The following MUC5AC variants were observed in gnomAD, a reference collection of about 807,000 sequenced individuals.
MUC5AC encodes mucin-5AC.
Under a neutral mutation model 169.7 loss-of-function variants are expected in MUC5AC, and 158 were observed. The ratio of observed to expected loss-of-function variants is 0.93; its 90% CI spans 0.82 to 1.06. The LOEUF (loss-of-function observed/expected upper bound fraction) is 1.06, where lower values mean the gene tolerates loss of function less well. MUC5AC is among the 50% of genes least tolerant of loss of function. The pLI is 0.00. For synonymous variants in MUC5AC, 1,975 were observed against 1,237.0 expected (o/e 1.60, Z -12.52); for missense variants, 4,359 against 3,089.9 (o/e 1.41, Z -9.74).
chr11:1,173,404 C>CTCACTAATTCCTTCACCTACTCAT (rs1860598642), intron 16 of MUC5AC, among the ~76,000 whole-genome samples: 1 of 150,970 alleles, frequency 6.6e-6, no homozygotes, highest in Non-Finnish European at 1.5e-5. Context: ...CATTTACTCA[C>CTCACTAATTCCTTCACCTACTCAT]TCACTAATTC....
At position 1,164,002 on chromosome 11, in the gene MUC5AC, G is replaced by T; in HGVS notation, c.789+11G>T. Reference sequence around the variant, plus strand: ...TGCTCCACTGGCTTTGTAAGCCTTGGAGGGAACAGAGGGCCCAGCAGGTTG... The same window carrying T: ...TGCTCCACTGGCTTTGTAAGCCTTGTAGGGAACAGAGGGCCCAGCAGGTTG... On this transcript the variant is annotated intron_variant, in intron 7 of 48. Coordinates refer to ENST00000621226, the MANE Select transcript of MUC5AC (RefSeq NM_001304359.2). 1 of 1,609,258 alleles carries T rather than the reference G, an allele frequency of 6.2e-7. No individual in the cohort carries two copies. The highest frequency in any genetic ancestry group is 8.5e-7 in the Non-Finnish European group (1 of 1,178,092).
chr11:1,170,746 C>T (rs1860488527), intron 15 of MUC5AC, among the ~76,000 whole-genome samples: 1 of 117,578 alleles, frequency 8.5e-6, no homozygotes, highest in African/African-American at 3.2e-5. Context: ...CCCATTCACC[C>T]ATTCACTCAC....
At position 1,194,666 on chromosome 11, in the gene MUC5AC, G is replaced by A; in HGVS notation, c.15186G>A (p.Gln5062=). The part of the protein sequence containing the change: ...FSKFANNTEG[Q]CGTCTNDRKD... ...AGTTTGCCAACAACACCGAGGGCCA[G>A]TGCGGTGAGGCCACAGGGCTCCCGG... The change falls in exon 35 of 49, where the codon CAG becomes CAA. Residue 5062 remains glutamine (Q), a synonymous_variant. Transcript: ENST00000621226. 1 of 756,778 alleles carries A rather than the reference G, an allele frequency of 1.3e-6. No homozygotes were observed. Among genetic ancestry groups the A allele is most frequent in the South Asian group, 1.4e-5 (1 of 73,806 alleles). The allele number at this position is 756,778 out of a possible 1,614,324, so 46.9% of individuals were successfully genotyped here.
At chr11:1,192,555 C>T (rs1297030230) in intron 31 of MUC5AC, 30 bp downstream of exon 31, 1 of 759,582 alleles carries the variant, frequency 1.3e-6, no homozygotes, top group Non-Finnish European at 2.4e-6. Context: ...GCAATTGTTT[C>T]TGAGCTCACC....
In MUC5AC at chr11:1,181,448, C is replaced by T. The variant is rs1860813217; in HGVS notation, c.3998C>T (p.Thr1333Ile). Residue 1333 changes from threonine to isoleucine, a missense_variant, in exon 30 of 49, where the codon ACA becomes ATA. Transcript: ENST00000621226. The part of the protein sequence containing the change: ...PVPPTTFSFS[T>I]PPLVVSSTHT... ...CCCCCAACCACCTTCTCCTTCTCCA[C>T]ACCCCCGCTTGGTAAGGCAAATGTG... 5.1e-6 allele frequency: 2 copies of T among 389,720 alleles called. No homozygotes were observed. Among genetic ancestry groups the T allele is most frequent in the African/African-American group, 4.4e-5 (2 of 45,526 alleles). 24.1% of individuals were successfully genotyped at this position (389,720 alleles called of 1,614,324 possible). A position where few individuals can be genotyped will look rare whatever the true frequency, so the allele number is the denominator to read the frequency against.
In MUC5AC at chr11:1,190,184, A is replaced by G; in HGVS notation, c.12039A>G (p.Glu4013=). ...RAESHPEVSI[E]HLGQVVQCSR... is the part of the protein sequence containing the mutation. ...AGAGCCACCCGGAGGTGAGCATCGA[A>G]CACCTGGGCCAGGTGGTGCAGTGCA... is the stretch of plus-strand genomic sequence containing the variant. Residue 4013 remains glutamate, a synonymous_variant, in exon 31 of 49, where the codon GAA becomes GAG. Coordinates refer to ENST00000621226, the MANE Select transcript of MUC5AC (RefSeq NM_001304359.2). The G allele has an allele frequency of 1.3e-6, 1 of 764,562 alleles. No individual in the cohort carries two copies. The allele number at this position is 764,562 out of a possible 1,614,324, so 47.4% of individuals were successfully genotyped here. A position where few individuals can be genotyped will look rare whatever the true frequency, so the allele number is the denominator to read the frequency against.
chr11:1,170,158 T>C (rs1269164835), intron 15 of MUC5AC, among the ~76,000 whole-genome samples: 3 of 20,620 alleles, frequency 1.5e-4, no homozygotes, highest in African/African-American at 3.3e-4. Context: ...CATTCACCCA[T>C]TCACTCACTC....
chr11:1,200,298 A>G (rs546526406), intron 48 of MUC5AC, 140 bp from the exon 49 acceptor site: 6 of 600,356 alleles, frequency 1.0e-5, no homozygotes. Flanking sequence ...CTGGCAAAGG[A>G]GAGCTGGTTG....
chr11:1,168,941 C>A lies in MUC5AC; in HGVS notation c.1785C>A (p.Ala595=), dbSNP rs561918259. 14 of 1,611,750 alleles carry A rather than the reference C, an allele frequency of 8.7e-6. No homozygotes were observed. The African/African-American group carries it at 1.7e-4, about 20-fold the overall frequency. The change falls in exon 15 of 49, where the codon GCC becomes GCA. Residue 595 remains alanine (A), a synonymous_variant. Coordinates refer to ENST00000621226, the MANE Select transcript of MUC5AC (RefSeq NM_001304359.2). ...GGGTGGTGGAGGCCACCGCTGCGGC[C>A]TTCTTCAACACCTTCAAGACCCAGG... ...LSGVVEATAA[A]FFNTFKTQAA...
intron 15 of MUC5AC, among the ~76,000 whole-genome samples, chr11:1,171,374 CCCATTCACTCACCCATTCACCCATTCAT>C (rs1860525328): frequency 7.0e-6 from 1 of 142,386 alleles, no homozygotes; most frequent in Non-Finnish European, 1.5e-5. Flanking sequence ...CACCCACTCA[CCCATTCACTCACCCATTCACCCATTCAT>C]CCACTCACTC....
intron 19 of MUC5AC, among the ~76,000 whole-genome samples, 193 bp downstream of exon 19, chr11:1,175,463 T>C (rs1213430675): frequency 6.7e-6 from 1 of 148,972 alleles, no homozygotes; most frequent in South Asian, 2.1e-4. Flanking sequence ...GGCGCACATA[T>C]GACACTCACA....
rs569948686 is a variant in MUC5AC at position 1,198,876 on chromosome 11, C to T, written c.16176C>T (p.Pro5392=). ...TCTGCTGCCCTGGCTCTCCCCAGCC[C>T]GGCGCCGTGGTCTCCTCGAGCCTGT... ...VCSINGTLYQ[P]GAVVSSSLCE... The change falls in exon 44 of 49, where the codon CCC becomes CCT. Residue 5392 remains proline (P), a splice_region_variant and synonymous_variant. Transcript: ENST00000621226. 4.6e-5 allele frequency: 34 copies of T among 741,312 alleles called. No homozygotes were observed. Among genetic ancestry groups the T allele is most frequent in the Non-Finnish European group, 5.4e-5 (22 of 407,140 alleles). The allele number at this position is 741,312 out of a possible 1,614,324, so 45.9% of individuals were successfully genotyped here. A position where few individuals can be genotyped will look rare whatever the true frequency, so the allele number is the denominator to read the frequency against.
rs777467222 is a variant in MUC5AC, at chr11:1,198,312, G to A, written c.16173+7G>A. 2.7e-6 allele frequency: 2 copies of A among 749,000 alleles called. No individual in the cohort carries two copies. The highest frequency in any genetic ancestry group is 5.0e-5 in the East Asian group (2 of 40,352). 46.4% of individuals were successfully genotyped at this position (749,000 alleles called of 1,614,324 possible). A position where few individuals can be genotyped will look rare whatever the true frequency, so the allele number is the denominator to read the frequency against. ...CAACGGGACCCTGTACCAGGTAAGA[G>A]CCACGGAGCTCAGACCCCCTCAGCC... On this transcript the variant is annotated splice_region_variant and intron_variant, in intron 43 of 48. Coordinates refer to ENST00000621226, the MANE Select transcript of MUC5AC (RefSeq NM_001304359.2).
At chr11:1,171,907 C>CCACTCACCTACTCACT (rs1283166553) in intron 15 of MUC5AC, among the ~76,000 whole-genome samples, 27,950 of 147,096 alleles carry the variant, frequency 0.19, 4,186 homozygotes, top group African/African-American at 0.41. Flanking sequence ...ACCCATTCAC[C>CCACTCACCTACTCACT]CACTCACCTA....
Position 1,191,231 on chromosome 11 carries a change from C to G in MUC5AC, c.13086C>G (p.Thr4362=), listed in dbSNP as rs1486008807. The stretch of plus-strand genomic sequence containing the variant: ...CCTCTGCTCCTACAACCAGCACAAC[C>G]TCTGCCTCTACAGCCAGCACAACCT... ...STTSAPTTST[T]SASTASTTSG... Residue 4362 remains threonine, a synonymous_variant, in exon 31 of 49, where the codon ACC becomes ACG. Coordinates refer to ENST00000621226, the MANE Select transcript of MUC5AC (RefSeq NM_001304359.2). The G allele has an allele frequency of 1.4e-6, 1 of 733,966 alleles. No homozygotes were observed. The highest frequency in any genetic ancestry group is 2.5e-5 in the East Asian group (1 of 40,470). 45.5% of individuals were successfully genotyped at this position (733,966 alleles called of 1,614,324 possible). A position where few individuals can be genotyped will look rare whatever the true frequency, so the allele number is the denominator to read the frequency against.
chr11:1,199,405 G>A lies in MUC5AC; in HGVS notation c.16430G>A (p.Cys5477Tyr). The A allele has an allele frequency of 1.4e-6, 1 of 728,528 alleles. No homozygotes were observed. 45.1% of individuals were successfully genotyped at this position (728,528 alleles called of 1,614,324 possible). ...GETWSDAGNH[C>Y]VTHQCEKHQD... ...ACCTGGTCAGACGCAGGGAACCACTGTGTGACCCACCAGTGTGAGAAGCAC... is the reference window on the plus strand; with the variant it reads ...ACCTGGTCAGACGCAGGGAACCACTATGTGACCCACCAGTGTGAGAAGCAC... The change falls in exon 46 of 49, where the codon TGT becomes TAT. Residue 5477 changes from cysteine to tyrosine, a missense_variant. Coordinates refer to ENST00000621226, the MANE Select transcript of MUC5AC (RefSeq NM_001304359.2).
rs1861060781 is a variant in MUC5AC at position 1,190,507 on chromosome 11, C to A, written c.12362C>A (p.Thr4121Lys). Residue 4121 changes from threonine (T) to lysine (K), a missense_variant, in exon 31 of 49, where the codon ACA becomes AAA. Thr to Lys is a moderately conservative substitution (Grantham distance 78). Transcript: ENST00000621226. ...ACAATCCCTGCTTCTACACCCAGCA[C>A]AACCTCTGCCCCTACAACCAGCACA... ...TSTIPASTPS[T>K]TSAPTTSTTS... is the part of the protein sequence containing the mutation. The A allele has an allele frequency of 2.0e-6, 1 of 500,762 alleles. No homozygotes were observed. Among genetic ancestry groups the A allele is most frequent in the African/African-American group, 2.4e-5 (1 of 42,268 alleles). 31.0% of individuals were successfully genotyped at this position (500,762 alleles called of 1,614,324 possible).
rs978738345 is a variant in MUC5AC at position 1,165,387 on chromosome 11, A to G, written c.1215A>G (p.Pro405=). The G allele has an allele frequency of 1.9e-6, 3 of 1,612,296 alleles. No homozygotes were observed. The African/African-American group carries it at 4.0e-5, about 22-fold the overall frequency. ...ACVYNGAAYA[P]GATYSTDCTN... is the part of the protein sequence containing the mutation. ...TCTACAACGGGGCTGCCTATGCCCC[A>G]GGGGCCACCTACTCCACAGACTGCA... The change falls in exon 10 of 49, where the codon CCA becomes CCG. Residue 405 remains proline, a synonymous_variant. Transcript: ENST00000621226.
chr11:1,178,377 G>T (rs932149471), intron 24 of MUC5AC, 67 bp from the exon 25 acceptor site: 4 of 423,942 alleles, frequency 9.4e-6, no homozygotes, highest in Admixed American at 8.8e-5. Flanking sequence ...AGGCGGCCTA[G>T]GGGCAGGGTG....
Sources: gnomAD v4.1 joint callset for allele counts (sites outside exome capture counted in the v4.1 genomes callset) on GRCh38, gnomAD v4.1.1 for gene constraint, MANE v1.5 for transcripts, NCBI Gene and HGNC (gene_info 2026-07-23, HGNC 2026-07-21) for gene names.